CTNNA3: variants seen among roughly 807,000 people sequenced by gnomAD.
CTNNA3 encodes the protein catenin alpha 3, also known as catenin alpha-3.
A neutral mutation model predicts 95.7 loss-of-function variants in CTNNA3; 76 were observed. The ratio of observed to expected loss-of-function variants is 0.79; its 90% CI spans 0.66 to 0.96. The LOEUF (loss-of-function observed/expected upper bound fraction) is 0.96, where lower values mean the gene tolerates loss of function less well. CTNNA3 is among the 40% of genes least tolerant of loss of function. The pLI, the probability that CTNNA3 is intolerant of heterozygous loss-of-function variation, is 0.00. For missense variants in CTNNA3, 1,191 were observed against 1,089.8 expected, an observed-to-expected ratio of 1.09 and a Z score of -1.31; for synonymous variants, 431 against 374.4, an observed-to-expected ratio of 1.15 and a Z score of -1.74.
At chr10:67,553,575 G>C (rs1051001178) in intron 3 of CTNNA3, among the ~76,000 whole-genome samples, 1 of 152,164 alleles carries the variant, frequency 6.6e-6, no homozygotes, top group Non-Finnish European at 1.5e-5. Flanking sequence ...AGCAGCATTT[G>C]AGGAATGGCA....
intron 11 of CTNNA3, among the ~76,000 whole-genome samples, chr10:66,436,574 C>A (rs2093340000): frequency 8.0e-6 from 1 of 125,086 alleles, no homozygotes; most frequent in Non-Finnish European, 1.6e-5. Context: ...TATTTTTAGC[C>A]TTTGTTTGTC....
intron 15 of CTNNA3, among the ~76,000 whole-genome samples, chr10:66,067,099 C>G (rs1185370762): frequency 1.3e-5 from 2 of 152,098 alleles, no homozygotes; most frequent in African/African-American, 4.8e-5. Context: ...TTCCATTTTC[C>G]CCTGAGGCTA....
intron 9 of CTNNA3, among the ~76,000 whole-genome samples, chr10:66,695,125 C>T (rs1847708730): frequency 6.6e-6 from 1 of 152,076 alleles, no homozygotes; most frequent in Non-Finnish European, 1.5e-5. Flanking sequence ...TGAAATAATG[C>T]CAGAGATATT....
At chr10:66,541,378 G>T (rs1841845216) in intron 10 of CTNNA3, among the ~76,000 whole-genome samples, 1 of 152,064 alleles carries the variant, frequency 6.6e-6, no homozygotes, top group Admixed American at 6.6e-5. Context: ...GAATATTCGT[G>T]TATTAGAAAC....
Position 66,331,098 on chromosome 10 carries a change from T to C in CTNNA3, c.1732+48054A>G, listed in dbSNP as rs552310946. On this transcript the variant is annotated intron_variant, in intron 12 of 17. Transcript: ENST00000433211. Reference sequence around the variant, plus strand: ...TAGATCCCATTTGTCAATTTTGCTTTTGTTGCCATTGCTTTTGGTGTCTTA... The same window carrying C: ...TAGATCCCATTTGTCAATTTTGCTTCTGTTGCCATTGCTTTTGGTGTCTTA... Among the ~76,000 whole-genome samples the C allele has an allele frequency of 3.3e-4, 50 of 152,146 alleles. 1 individual carries two copies. Among genetic ancestry groups the C allele is most frequent in the African/African-American group, 1.2e-3 (49 of 41,558 alleles).
intron 11 of CTNNA3, among the ~76,000 whole-genome samples, chr10:66,443,056 T>C (rs1353624586): frequency 2.0e-5 from 3 of 152,072 alleles, no homozygotes; most frequent in Non-Finnish European, 4.4e-5. Flanking sequence ...GTCTCACTGA[T>C]TGCTAGCACG....
chr10:66,926,530 T>C (rs368285947), intron 7 of CTNNA3: 16 of 1,605,742 alleles, frequency 1.0e-5, no homozygotes, highest in Middle Eastern at 1.7e-4. Context: ...GTCATGCAAC[T>C]GGCCCCTAAG....
intron 9 of CTNNA3, among the ~76,000 whole-genome samples, chr10:66,672,464 A>C (rs1268750789): frequency 6.6e-6 from 1 of 152,136 alleles, no homozygotes; most frequent in African/African-American, 2.4e-5. Context: ...TAGGGAAAAA[A>C]GATGAAAATG....
intron 2 of CTNNA3, among the ~76,000 whole-genome samples, chr10:67,626,417 A>G (rs955324660): frequency 6.6e-6 from 1 of 152,178 alleles, no homozygotes; most frequent in Non-Finnish European, 1.5e-5. Flanking sequence ...TGGTTAAATC[A>G]TAAATGGCTT....
chr10:67,468,301 G>C (rs1019631919), intron 5 of CTNNA3, among the ~76,000 whole-genome samples: 1 of 152,038 alleles, frequency 6.6e-6, no homozygotes, highest in South Asian at 2.1e-4. Flanking sequence ...GGCTGACGGG[G>C]GAGGATTGCT....
intron 4 of CTNNA3, among the ~76,000 whole-genome samples, chr10:67,531,843 T>C (rs1039606069): frequency 2.0e-5 from 3 of 152,136 alleles, no homozygotes; most frequent in African/African-American, 7.2e-5. Context: ...TGGGAGGTGA[T>C]TGAATTACAG....
intron 5 of CTNNA3, among the ~76,000 whole-genome samples, chr10:67,292,284 C>G (rs534030859): frequency 6.6e-6 from 1 of 152,076 alleles, no homozygotes; most frequent in African/African-American, 2.4e-5. Context: ...ACGACATGCC[C>G]TGGGGAAGAG....
intron 3 of CTNNA3, among the ~76,000 whole-genome samples, chr10:67,580,950 G>A (rs1362579562): frequency 6.6e-6 from 1 of 152,132 alleles, no homozygotes; most frequent in East Asian, 1.9e-4. Context: ...AGCTTAAGGA[G>A]ATTTTGGGCT....
intron 9 of CTNNA3, among the ~76,000 whole-genome samples, chr10:66,749,136 G>A (rs1214047698): frequency 7.4e-6 from 1 of 135,184 alleles, no homozygotes; most frequent in Non-Finnish European, 1.5e-5. Flanking sequence ...CCGGGAGGCA[G>A]AGGTTGCAGT....
chr10:66,542,828 G>A (rs1841904094), intron 10 of CTNNA3, among the ~76,000 whole-genome samples: 2 of 151,818 alleles, frequency 1.3e-5, no homozygotes, highest in Non-Finnish European at 2.9e-5. Context: ...CATGGCACAT[G>A]TATACATATG....
At chr10:66,950,859 T>C (rs568071142) in intron 7 of CTNNA3, among the ~76,000 whole-genome samples, 68 of 152,238 alleles carry the variant, frequency 4.5e-4, no homozygotes, top group African/African-American at 1.6e-3. Context: ...GGGAGTTTGG[T>C]CTTAACCCAT....
intron 7 of CTNNA3, chr10:67,015,133 G>T (rs941666819): frequency 2.4e-4 from 37 of 152,098 alleles, no homozygotes; most frequent in African/African-American, 8.9e-4. Flanking sequence ...ATGCTATGTA[G>T]TTAGGGAAAT....
intron 12 of CTNNA3, among the ~76,000 whole-genome samples, chr10:66,308,640 T>G (rs1245142950): frequency 6.6e-6 from 1 of 152,184 alleles, no homozygotes; most frequent in Admixed American, 6.5e-5. Flanking sequence ...CCATTCACAT[T>G]TGATATACTT....
At chr10:67,526,413 G>A (rs892591062) in intron 4 of CTNNA3, among the ~76,000 whole-genome samples, 1 of 147,048 alleles carries the variant, frequency 6.8e-6, no homozygotes, top group Non-Finnish European at 1.5e-5. Context: ...GAGCAAAATT[G>A]GGCTTGAGAT....
Sources: gnomAD v4.1 joint callset for allele counts (sites outside exome capture counted in the v4.1 genomes callset) on GRCh38, gnomAD v4.1.1 for gene constraint, MANE v1.5 for transcripts, NCBI Gene and HGNC (gene_info 2026-07-23, HGNC 2026-07-21) for gene names.